The following CCDC6 variants were observed in gnomAD, a reference collection of about 807,000 sequenced individuals.
The protein encoded by CCDC6 is coiled-coil domain containing 6, also known as coiled-coil domain-containing protein 6.
CCDC6 carries 20 observed loss-of-function variants against 56.6 expected under a neutral mutation model. The observed-to-expected ratio is 0.35, with a 90% CI of 0.25 to 0.51. The LOEUF is 0.51. Ranked by LOEUF, CCDC6 falls within the 20% of genes least tolerant of loss-of-function variation. The pLI is 0.95. For missense variants in CCDC6, 367 were observed against 601.1 expected, an observed-to-expected ratio of 0.61 and a Z score of 4.07; for synonymous variants, 241 against 234.4, an observed-to-expected ratio of 1.03 and a Z score of -0.26.
chr10:59,890,713 T>TTTTA (rs957619435), intron 1 of CCDC6, among the ~76,000 whole-genome samples: 3 of 152,038 alleles, frequency 2.0e-5, no homozygotes, highest in Non-Finnish European at 4.4e-5. Context: ...TTTTTTTCTT[T>TTTTA]TTTATTTATT....
rs148509787 is a variant in CCDC6, at chr10:59,824,811, A to G, written c.582+7714T>C. On this transcript the variant is annotated intron_variant, in intron 3 of 8. Transcript: ENST00000263102. ...TTTTCCAAACTGTCTTGAAAGAACA[A>G]TGGATTATTTGTACAATGCAAACGT... Among the ~76,000 whole-genome samples the G allele has an allele frequency of 5.0e-3, 767 of 152,310 alleles. 4 individuals carry two copies. The highest frequency in any genetic ancestry group is 0.017 in the African/African-American group (722 of 41,562).
intron 1 of CCDC6, among the ~76,000 whole-genome samples, chr10:59,900,410 T>A (rs529495870): frequency 1.3e-5 from 2 of 152,198 alleles, no homozygotes; most frequent in Non-Finnish European, 2.9e-5. Context: ...AGCGGCACCA[T>A]TGAGGAGCCA....
chr10:59,819,298 A>G (rs1309744270), intron 3 of CCDC6, among the ~76,000 whole-genome samples: 1 of 152,226 alleles, frequency 6.6e-6, no homozygotes, highest in Admixed American at 6.5e-5. Context: ...TGGCAGTGCT[A>G]CAGGACTCTA....
chr10:59,830,110 T>G (rs1244265082), intron 3 of CCDC6, among the ~76,000 whole-genome samples: 2 of 152,182 alleles, frequency 1.3e-5, no homozygotes, highest in African/African-American at 4.8e-5. Context: ...GTGGGACATG[T>G]GGGAGCATAT....
chr10:59,862,516 T>TATATATATATATATACACAC (rs1554886091), intron 1 of CCDC6, among the ~76,000 whole-genome samples: 1 of 97,196 alleles, frequency 1.0e-5, no homozygotes, highest in African/African-American at 4.9e-5. Flanking sequence ...TATATATATA[T>TATATATATATATATACACAC]ACACACACAC....
At chr10:59,807,165 G>T in intron 5 of CCDC6, 87 bp from the exon 6 acceptor site, 1 of 1,162,772 alleles carries the variant, frequency 8.6e-7, no homozygotes, top group Non-Finnish European at 1.2e-6. Flanking sequence ...CAGCCCCTAT[G>T]CCATAGACAG....
At chr10:59,812,942 C>T (rs548371279) in intron 4 of CCDC6, 147 bp from the exon 5 acceptor site, 3 of 581,082 alleles carry the variant, frequency 5.2e-6, no homozygotes, top group African/African-American at 3.8e-5. Flanking sequence ...GCCCATTTTA[C>T]ATCAAACTTC....
intron 5 of CCDC6, 113 bp downstream of exon 5, chr10:59,812,522 A>G (rs949042241): frequency 4.2e-6 from 3 of 707,032 alleles, no homozygotes; most frequent in Middle Eastern, 2.6e-4. Flanking sequence ...CATCAGTAAT[A>G]TATGAATTTA....
intron 1 of CCDC6, among the ~76,000 whole-genome samples, chr10:59,884,051 CA>C (rs1364854387): frequency 6.6e-6 from 1 of 152,140 alleles, no homozygotes; most frequent in African/African-American, 2.4e-5. Flanking sequence ...TAACATCAAC[CA>C]ATCTGTAGAT....
rs183166261 is a variant in CCDC6 at position 59,887,384 on chromosome 10, G to A, written c.303+18738C>T. ...CTCACCCACATACAAAATGACCTAC[G>A]TTCAAGGTGACGGTGACATTTTGAG... On this transcript the variant is annotated intron_variant, in intron 1 of 8. Coordinates refer to ENST00000263102, the MANE Select transcript of CCDC6 (RefSeq NM_005436.5). Among the ~76,000 whole-genome samples the A allele has an allele frequency of 7.9e-5, 12 of 151,620 alleles. No homozygotes were observed. The East Asian group carries it at 2.3e-3, about 30-fold the overall frequency.
chr10:59,862,556 C>CAT (rs55913492), intron 1 of CCDC6, among the ~76,000 whole-genome samples: 35 of 105,652 alleles, frequency 3.3e-4, no homozygotes, highest in Non-Finnish European at 3.8e-4. Flanking sequence ...CACACACACA[C>CAT]ATATATATAC....
chr10:59,851,334 C>A (rs1017615290), intron 2 of CCDC6, among the ~76,000 whole-genome samples: 2 of 152,004 alleles, frequency 1.3e-5, no homozygotes, highest in African/African-American at 4.8e-5. Flanking sequence ...CTCTAAATCA[C>A]AATGCAAATG....
At position 59,843,937 on chromosome 10, in the gene CCDC6, C is replaced by T. The variant is rs113809252; in HGVS notation, c.453+8616G>A. On this transcript the variant is annotated intron_variant, in intron 2 of 8. Coordinates refer to ENST00000263102, the MANE Select transcript of CCDC6 (RefSeq NM_005436.5). ...CTTCTGCAGCCCCAGCTCCATACAA[C>T]GACCAAAACCACAATTTACTATCTC... Among the ~76,000 whole-genome samples the T allele has an allele frequency of 4.5e-4, 69 of 152,280 alleles. 2 individuals are homozygous for T. Among genetic ancestry groups the T allele is most frequent in the African/African-American group, 1.5e-3 (63 of 41,548 alleles).
intron 2 of CCDC6, among the ~76,000 whole-genome samples, chr10:59,839,291 A>G (rs76107899): frequency 0.025 from 3,793 of 152,282 alleles, 169 homozygotes; most frequent in African/African-American, 0.087. Flanking sequence ...TACATTCTCA[A>G]TCACTCTTTA....
chr10:59,793,197 A>C, intron 8 of CCDC6, 86 bp from the exon 9 acceptor site: 1 of 1,008,696 alleles, frequency 9.9e-7, no homozygotes, highest in Non-Finnish European at 1.5e-6. Flanking sequence ...CACTGGGGCT[A>C]ATCAAACACT....
intron 1 of CCDC6, among the ~76,000 whole-genome samples, chr10:59,865,194 A>G (rs947962503): frequency 1.7e-4 from 26 of 152,294 alleles, no homozygotes; most frequent in Middle Eastern, 3.4e-3. Flanking sequence ...GGCAATGACT[A>G]ACACCTGAAG....
rs1191473675 is a variant in CCDC6, at chr10:59,874,143, A to ACACACG, written c.304-21442_304-21441insCGTGTG. Among the ~76,000 whole-genome samples, 30 of 151,596 alleles carry ACACACG rather than the reference A, an allele frequency of 2.0e-4. No homozygotes were observed. In the East Asian group the frequency reaches 4.7e-3, roughly 24 times the overall value. On this transcript the variant is annotated intron_variant, in intron 1 of 8. Transcript: ENST00000263102. ...AACACACACACACACACACACACACACGCACACACCCCTACATAGATTCCA... is the reference window on the plus strand; with the variant it reads ...AACACACACACACACACACACACACACACACGCGCACACACCCCTACATAGATTCCA...
At chr10:59,839,278 G>A (rs2070915679) in intron 2 of CCDC6, among the ~76,000 whole-genome samples, 1 of 152,174 alleles carries the variant, frequency 6.6e-6, no homozygotes, top group African/African-American at 2.4e-5. Context: ...TAGAACACCT[G>A]GGTACATTCT....
chr10:59,817,162 T>C (rs1179638980), intron 3 of CCDC6, among the ~76,000 whole-genome samples: 2 of 152,168 alleles, frequency 1.3e-5, no homozygotes, highest in African/African-American at 2.4e-5. Context: ...TGGCCAAGCT[T>C]TGAAGTACAA....
Sources: gnomAD v4.1 joint callset for allele counts (sites outside exome capture counted in the v4.1 genomes callset) on GRCh38, gnomAD v4.1.1 for gene constraint, MANE v1.5 for transcripts, NCBI Gene and HGNC (gene_info 2026-07-23, HGNC 2026-07-21) for gene names.